PLXNA4: variants seen among roughly 807,000 people sequenced by gnomAD.
PLXNA4 encodes the protein plexin-A4.
Under a neutral mutation model 191.8 loss-of-function variants are expected in PLXNA4, and 44 were observed. The ratio of observed to expected loss-of-function variants is 0.23; its 90% CI spans 0.18 to 0.29. PLXNA4 has a LOEUF of 0.29. PLXNA4 is among the 10% of genes least tolerant of loss of function. The pLI is 1.00. For synonymous variants in PLXNA4, 1,082 were observed against 1,009.5 expected, an observed-to-expected ratio of 1.07 and a Z score of -1.36; for missense variants, 1,800 against 2,488.8, an observed-to-expected ratio of 0.72 and a Z score of 5.89.
intron 31 of PLXNA4, among the ~76,000 whole-genome samples, chr7:132,132,448 TTCTGTTCTGTTC>T (rs1794974150): frequency 1.5e-5 from 1 of 67,774 alleles, no homozygotes; most frequent in Non-Finnish European, 3.0e-5. Flanking sequence ...TTCTGTTCTG[TTCTGTTCTGTTC>T]TGTTCTGCTC....
intron 2 of PLXNA4, among the ~76,000 whole-genome samples, chr7:132,491,392 G>T (rs1013102385): frequency 6.6e-6 from 1 of 152,222 alleles, no homozygotes; most frequent in African/African-American, 2.4e-5. Flanking sequence ...CCCAGAAGAG[G>T]TGCGGGCAGG....
At chr7:132,643,574 C>T (rs1344145019) in intron 2 of PLXNA4, among the ~76,000 whole-genome samples, 1 of 152,096 alleles carries the variant, frequency 6.6e-6, no homozygotes, top group East Asian at 1.9e-4. Flanking sequence ...TCACAGGCAC[C>T]AAGGGGAAGG....
At chr7:132,288,536 C>G (rs965384414) in intron 4 of PLXNA4, among the ~76,000 whole-genome samples, 2 of 152,200 alleles carry the variant, frequency 1.3e-5, no homozygotes, top group African/African-American at 4.8e-5. Context: ...GCTCCATTTC[C>G]TGTCACTCAT....
At chr7:132,322,425 C>T (rs1354018079) in intron 3 of PLXNA4, among the ~76,000 whole-genome samples, 3 of 152,160 alleles carry the variant, frequency 2.0e-5, no homozygotes, top group African/African-American at 4.8e-5. Flanking sequence ...TCAAGTGATC[C>T]ACCCGCCTCG....
intron 13 of PLXNA4, among the ~76,000 whole-genome samples, chr7:132,195,000 G>A (rs1459957713): frequency 6.6e-6 from 1 of 151,076 alleles, no homozygotes; most frequent in Admixed American, 6.6e-5. Flanking sequence ...AAGAAACTGG[G>A]GCAAAGAAAA....
chr7:132,513,469 A>G lies in PLXNA4; in HGVS notation c.-86-4690T>C, dbSNP rs114565896. The stretch of plus-strand genomic sequence containing the variant: ...CACACATAGTCACGTTGGGCATTGG[A>G]GAGCTGAGCTCTTCAGGCCTCACTC... On this transcript the variant is annotated intron_variant, in intron 1 of 31. Coordinates refer to ENST00000321063, the MANE Select transcript of PLXNA4 (RefSeq NM_020911.2). 6.9e-3 allele frequency among the ~76,000 whole-genome samples: 1,049 copies of G among 152,300 alleles called. 6 individuals are homozygous for G. The highest frequency in any genetic ancestry group is 0.024 in the African/African-American group (1,002 of 41,566).
At chr7:132,630,532 G>C (rs1803474110) in intron 2 of PLXNA4, among the ~76,000 whole-genome samples, 1 of 144,438 alleles carries the variant, frequency 6.9e-6, no homozygotes, top group Non-Finnish European at 1.5e-5. Flanking sequence ...TTTGTTTTGA[G>C]AATGAGTCTC....
In PLXNA4 at chr7:132,185,308, C is replaced by T; in HGVS notation, c.3149G>A (p.Ser1050Asn). ...TTGGGCCAGCTCCTACCTGACAATG[C>T]TCCATTCTGGCTCAATCCGCACGAT... ...PTIVRIEPEW[S>N]IVSGNTPIAV... The change falls in exon 16 of 32, where the codon AGC becomes AAC. Residue 1050 changes from serine to asparagine, a missense_variant. This residue lies in a region of PLXNA4 where 1,397 missense variants were observed against 1,880.4 expected (regional missense o/e 0.74). Transcript: ENST00000321063. 1 of 1,612,718 alleles carries T rather than the reference C, an allele frequency of 6.2e-7. No individual in the cohort carries two copies. Among genetic ancestry groups the T allele is most frequent in the Non-Finnish European group, 8.5e-7 (1 of 1,179,332 alleles).
intron 1 of PLXNA4, among the ~76,000 whole-genome samples, chr7:132,536,291 G>A (rs4731875): frequency 2.6e-5 from 4 of 151,952 alleles, no homozygotes; most frequent in Admixed American, 6.5e-5. Context: ...TTTTCTTCCC[G>A]TCGTTCCCTA....
At chr7:132,385,068 A>G in intron 3 of PLXNA4, 2 of 1,516,916 alleles carry the variant, frequency 1.3e-6, no homozygotes, top group Admixed American at 2.1e-5. Context: ...GGGTGGCAGG[A>G]CATGAGCTAT....
chr7:132,126,501 G>A lies in PLXNA4; in HGVS notation c.*3978C>T, dbSNP rs1043728589. On this transcript the variant is annotated 3_prime_UTR_variant, in exon 32 of 32. Coordinates refer to ENST00000321063, the MANE Select transcript of PLXNA4 (RefSeq NM_020911.2). ...CAGGCAGAAGCCAGACATGCAACGG[G>A]AGACACGGTACCAGGGACCTGGTTG... 1 of 152,102 alleles carries A rather than the reference G, an allele frequency of 6.6e-6. No individual in the cohort carries two copies. The highest frequency in any genetic ancestry group is 1.9e-4 in the East Asian group (1 of 5,202). 9.4% of individuals were successfully genotyped at this position (152,102 alleles called of 1,614,324 possible).
intron 4 of PLXNA4, among the ~76,000 whole-genome samples, chr7:132,295,081 T>C (rs2116483643): frequency 6.6e-6 from 1 of 152,368 alleles, no homozygotes; most frequent in Non-Finnish European, 1.5e-5. Flanking sequence ...GCTTCCCTTA[T>C]CTGACTTAAG....
intron 1 of PLXNA4, among the ~76,000 whole-genome samples, chr7:132,524,526 G>A (rs1274492528): frequency 6.6e-6 from 1 of 152,202 alleles, no homozygotes; most frequent in Non-Finnish European, 1.5e-5. Flanking sequence ...CTAAAGGCCA[G>A]CCTGAAGGAA....
intron 13 of PLXNA4, among the ~76,000 whole-genome samples, chr7:132,194,874 T>G (rs1797204707): frequency 6.6e-6 from 1 of 152,122 alleles, no homozygotes; most frequent in Admixed American, 6.6e-5. Context: ...AAACTATATA[T>G]ACACTTAAAA....
chr7:132,133,245 A>G, intron 30 of PLXNA4, 46 bp from the exon 31 acceptor site: 1 of 1,598,040 alleles, frequency 6.3e-7, no homozygotes, highest in Non-Finnish European at 8.5e-7. Context: ...GTGCATACGG[A>G]GTAGAGGAGA....
At chr7:132,307,791 G>A (rs942728095) in intron 3 of PLXNA4, among the ~76,000 whole-genome samples, 1 of 124,726 alleles carries the variant, frequency 8.0e-6, no homozygotes, top group Non-Finnish European at 1.8e-5. Context: ...AGCTCCATGA[G>A]GTACTTTGTT....
chr7:132,570,729 G>A (rs907006547), intron 1 of PLXNA4, among the ~76,000 whole-genome samples: 3 of 152,206 alleles, frequency 2.0e-5, no homozygotes, highest in Non-Finnish European at 2.9e-5. Flanking sequence ...CATTGACTGC[G>A]GAGACTATCC....
Position 132,164,184 on chromosome 7 carries a change from G to C in PLXNA4, c.4458C>G (p.Ser1486Arg). ...AITGEARYSL[S>R]EDKLIRQQID... ...TCTGCTGGCGGATGAGCTTGTCCTC[G>C]CTCAAGGAGTAGCGGGCCTCGCCCG... Residue 1486 changes from serine (S) to arginine (R), a missense_variant, in exon 24 of 32, where the codon AGC becomes AGG. Ser to Arg is a moderately radical substitution (Grantham distance 110). Transcript: ENST00000321063. The C allele has an allele frequency of 6.2e-7, 1 of 1,614,216 alleles. No homozygotes were observed. The highest frequency in any genetic ancestry group is 2.2e-5 in the East Asian group (1 of 44,874).
intron 4 of PLXNA4, among the ~76,000 whole-genome samples, chr7:132,295,258 A>T (rs1334821086): frequency 1.3e-5 from 2 of 152,228 alleles, no homozygotes; most frequent in African/African-American, 4.8e-5. Flanking sequence ...AGCTGCTGGC[A>T]GCAAGAGAGA....
Sources: allele counts gnomAD v4.1 joint callset (sites outside exome capture counted in the v4.1 genomes callset), GRCh38; gene constraint gnomAD v4.1.1; regional missense constraint gnomAD v4.1.1; transcripts MANE v1.5; gene names NCBI Gene and HGNC (gene_info 2026-07-23, HGNC 2026-07-21).